Variants in TRABD2B observed in about 807,000 individuals in gnomAD.
TRABD2B encodes the protein TraB domain containing 2B, also known as metalloprotease TIKI2.
In TRABD2B, 14 loss-of-function variants were observed where a neutral mutation model predicts 40.1. That is an observed-to-expected ratio of 0.35 (90% CI 0.23 to 0.55). TRABD2B has a LOEUF of 0.55. Among genes scored for constraint, TRABD2B ranks in the 20% least tolerant of loss-of-function variants. The probability of loss-of-function intolerance (pLI) is 0.90; values close to 1 mark genes in which losing one functional copy is unlikely to be tolerated. For missense variants in TRABD2B, 541 were observed against 648.6 expected, an observed-to-expected ratio of 0.83 and a Z score of 1.80; for synonymous variants, 263 against 277.0, an observed-to-expected ratio of 0.95 and a Z score of 0.50.
chr1:47,933,264 C>T (rs1333928907), intron 2 of TRABD2B, among the ~76,000 whole-genome samples: 3 of 151,986 alleles, frequency 2.0e-5, no homozygotes, highest in African/African-American at 7.3e-5. Flanking sequence ...CGCCACCACG[C>T]CTGGCTAATT....
intron 2 of TRABD2B, among the ~76,000 whole-genome samples, chr1:47,853,692 C>G (rs777132779): frequency 6.6e-6 from 1 of 152,174 alleles, no homozygotes; most frequent in Non-Finnish European, 1.5e-5. Flanking sequence ...TCCACCTATC[C>G]ACCCATCCAA....
At chr1:47,843,090 G>A (rs1645421303) in intron 2 of TRABD2B, among the ~76,000 whole-genome samples, 1 of 152,124 alleles carries the variant, frequency 6.6e-6, no homozygotes, top group South Asian at 2.1e-4. Flanking sequence ...GTGGAGGAGG[G>A]AGGTGTGAGA....
At chr1:47,850,323 G>A (rs1351957193) in intron 2 of TRABD2B, among the ~76,000 whole-genome samples, 1 of 152,236 alleles carries the variant, frequency 6.6e-6, no homozygotes, top group Non-Finnish European at 1.5e-5. Context: ...GGAGTAGGCT[G>A]TCCCAGGCAG....
chr1:47,824,160 A>T (rs1427932737), intron 2 of TRABD2B, among the ~76,000 whole-genome samples: 1 of 152,170 alleles, frequency 6.6e-6, no homozygotes, highest in African/African-American at 2.4e-5. Flanking sequence ...AGGGTCAGTG[A>T]CACATAAGGA....
At chr1:47,802,061 A>G (rs1042582863) in intron 2 of TRABD2B, among the ~76,000 whole-genome samples, 3 of 152,196 alleles carry the variant, frequency 2.0e-5, no homozygotes, top group Non-Finnish European at 4.4e-5. Context: ...TCAAGGCCCA[A>G]CCTAAAGGCC....
chr1:47,996,314 A>G lies in TRABD2B; in HGVS notation c.102+374T>C, dbSNP rs560189462. On this transcript the variant is annotated intron_variant, in intron 1 of 6. Coordinates refer to ENST00000606738, the MANE Select transcript of TRABD2B (RefSeq NM_001194986.2). The surrounding 1 kb of genome is among the most constrained non-coding windows in gnomAD (Gnocchi z 4.6). Reference sequence around the variant, plus strand: ...GTTCGATGGAAGTCAAGAGAAGGGCAAGGAACGGTAGAAAAACACAGTCAG... The same window carrying G: ...GTTCGATGGAAGTCAAGAGAAGGGCGAGGAACGGTAGAAAAACACAGTCAG... Among the ~76,000 whole-genome samples, 4 of 152,262 alleles carry G rather than the reference A, an allele frequency of 2.6e-5. No individual in the cohort carries two copies. Among genetic ancestry groups the G allele is most frequent in the Non-Finnish European group, 5.9e-5 (4 of 68,008 alleles).
chr1:47,851,563 G>A (rs1645549972), intron 2 of TRABD2B, among the ~76,000 whole-genome samples: 1 of 152,162 alleles, frequency 6.6e-6, no homozygotes, highest in Non-Finnish European at 1.5e-5. Flanking sequence ...AGTTATACTG[G>A]AGCTGAAGAA....
chr1:47,918,397 A>C (rs928214097), intron 2 of TRABD2B, among the ~76,000 whole-genome samples: 4 of 152,188 alleles, frequency 2.6e-5, no homozygotes, highest in Non-Finnish European at 5.9e-5. Context: ...CCACCCTCCG[A>C]GTTACATGCT....
At chr1:47,911,138 C>G (rs550853639) in intron 2 of TRABD2B, among the ~76,000 whole-genome samples, 2 of 152,340 alleles carry the variant, frequency 1.3e-5, no homozygotes, top group Admixed American at 6.5e-5. Flanking sequence ...TAATAGAAAG[C>G]CAGCCTACCT....
intron 2 of TRABD2B, among the ~76,000 whole-genome samples, chr1:47,806,576 G>C (rs1166462187): frequency 6.6e-6 from 1 of 152,200 alleles, no homozygotes; most frequent in Admixed American, 6.5e-5. Context: ...GCTGTGTGGA[G>C]GCCCAGCCAC....
At chr1:47,819,652 A>C (rs902513200) in intron 2 of TRABD2B, 1 of 152,142 alleles carries the variant, frequency 6.6e-6, no homozygotes, top group Non-Finnish European at 1.5e-5. Context: ...GGATGGGCTG[A>C]TACTCCCTCT....
At chr1:47,792,576 C>T (rs1015811474) in intron 4 of TRABD2B, among the ~76,000 whole-genome samples, 1 of 152,202 alleles carries the variant, frequency 6.6e-6, no homozygotes, top group African/African-American at 2.4e-5. Context: ...TTTGGCATGC[C>T]TGTGTGCTGG....
intron 2 of TRABD2B, among the ~76,000 whole-genome samples, chr1:47,987,942 AGGGGCT>A (rs1351405698): frequency 6.6e-6 from 1 of 152,104 alleles, no homozygotes; most frequent in Non-Finnish European, 1.5e-5. Context: ...ACGGTGATGG[AGGGGCT>A]CTCCCTCCAT....
At chr1:47,801,301 G>A (rs1569978845) in intron 3 of TRABD2B, among the ~76,000 whole-genome samples, 172 bp downstream of exon 3, 1 of 152,176 alleles carries the variant, frequency 6.6e-6, no homozygotes, top group East Asian at 1.9e-4. Flanking sequence ...CTCATAAGCT[G>A]TGTTGCCTTG....
intron 2 of TRABD2B, among the ~76,000 whole-genome samples, chr1:47,886,005 A>G (rs1010803864): frequency 6.6e-6 from 1 of 152,138 alleles, no homozygotes; most frequent in African/African-American, 2.4e-5. Flanking sequence ...GGCTGAAGAG[A>G]ATCTTTATTT....
intron 2 of TRABD2B, among the ~76,000 whole-genome samples, chr1:47,895,786 C>T (rs1644510065): frequency 6.6e-6 from 1 of 152,244 alleles, no homozygotes. Context: ...GCAGAGATTT[C>T]CTCAGGTCGC....
At chr1:47,767,389 A>G (rs1037525906) in intron 6 of TRABD2B, among the ~76,000 whole-genome samples, 1 of 152,206 alleles carries the variant, frequency 6.6e-6, no homozygotes, top group African/African-American at 2.4e-5. Context: ...TGAAAGGCAT[A>G]GTGAATTTAG....
chr1:47,847,676 C>T (rs1170128916), intron 2 of TRABD2B, among the ~76,000 whole-genome samples: 1 of 152,190 alleles, frequency 6.6e-6, no homozygotes, highest in African/African-American at 2.4e-5. Context: ...AAAAGCTCTC[C>T]CTCTCCATCC....
chr1:47,976,730 T>G (rs1221427680), intron 2 of TRABD2B, among the ~76,000 whole-genome samples: 1 of 152,162 alleles, frequency 6.6e-6, no homozygotes, highest in African/African-American at 2.4e-5. Flanking sequence ...ATTCTTTTCT[T>G]TTGCATACAT....
Sources: gnomAD v4.1 joint callset for allele counts (sites outside exome capture counted in the v4.1 genomes callset) on GRCh38, gnomAD v4.1.1 for gene constraint, Gnocchi (gnomAD v3.1) non-coding constraint, MANE v1.5 for transcripts, NCBI Gene and HGNC (gene_info 2026-07-23, HGNC 2026-07-21) for gene names.